CDC42BPA: variants seen among roughly 807,000 people sequenced by gnomAD.
The protein encoded by CDC42BPA is serine/threonine-protein kinase MRCK alpha.
CDC42BPA carries 80 observed loss-of-function variants against 223.5 expected under a neutral mutation model. The ratio of observed to expected loss-of-function variants is 0.36; its 90% confidence interval spans 0.30 to 0.43. CDC42BPA has a LOEUF of 0.43. Among genes scored for constraint, CDC42BPA ranks in the 20% least tolerant of loss-of-function variants. The pLI is 1.00. For synonymous variants in CDC42BPA, 694 were observed against 718.6 expected, an observed-to-expected ratio of 0.97 and a Z score of 0.55; for missense variants, 1,743 against 2,099.9, an observed-to-expected ratio of 0.83 and a Z score of 3.32.
chr1:227,247,229 G>C (rs919047044), intron 2 of CDC42BPA, among the ~76,000 whole-genome samples: 19 of 150,908 alleles, frequency 1.3e-4, no homozygotes, highest in Non-Finnish European at 1.5e-5. Context: ...CAGGTGCAGT[G>C]GCTCATGCCT....
At chr1:227,056,517 A>G (rs1674590891) in intron 21 of CDC42BPA, among the ~76,000 whole-genome samples, 2 of 152,040 alleles carry the variant, frequency 1.3e-5, no homozygotes, top group Non-Finnish European at 2.9e-5. Context: ...CCTCTAGAGT[A>G]GCTGTGAACA....
At chr1:227,009,031 A>T (rs181526864) in intron 34 of CDC42BPA, among the ~76,000 whole-genome samples, 114 of 152,270 alleles carry the variant, frequency 7.5e-4, no homozygotes, top group African/African-American at 2.7e-3. Context: ...CAGGCTATAC[A>T]TTTTTTTATT....
chr1:227,035,523 A>G lies in CDC42BPA; in HGVS notation c.3284T>C (p.Leu1095Pro). The change falls in exon 25 of 37, where the codon CTG becomes CCG. Residue 1095 changes from leucine (L) to proline (P), a missense_variant. Transcript: ENST00000366766. Reference protein sequence around the residue: ...PVPPEQTKGPLGIDPQKGIGT... With the variant: ...PVPPEQTKGPPGIDPQKGIGT... ...TATTCCTTTCTGAGGATCTATACCC[A>G]GGGGACCTTTTGTCTGTTCAGGAGG... 1 of 1,611,852 alleles carries G rather than the reference A, an allele frequency of 6.2e-7. No homozygotes were observed. The highest frequency in any genetic ancestry group is 1.1e-5 in the South Asian group (1 of 90,640).
intron 1 of CDC42BPA, among the ~76,000 whole-genome samples, chr1:227,260,751 G>C (rs910200321): frequency 1.3e-5 from 2 of 150,990 alleles, no homozygotes; most frequent in Non-Finnish European, 2.9e-5. Flanking sequence ...TTTCTCCAGT[G>C]GGTTTCCATT....
intron 16 of CDC42BPA, among the ~76,000 whole-genome samples, chr1:227,082,953 C>T (rs1244013511): frequency 2.0e-5 from 3 of 151,964 alleles, no homozygotes; most frequent in Non-Finnish European, 4.4e-5. Flanking sequence ...ATGTGTCTTT[C>T]TTCTCTGGTT....
intron 5 of CDC42BPA, among the ~76,000 whole-genome samples, chr1:227,174,840 G>A (rs1029973174): frequency 3.9e-5 from 6 of 152,126 alleles, no homozygotes; most frequent in East Asian, 3.9e-4. Context: ...AGGAAAGCAC[G>A]TATATTCCAC....
intron 2 of CDC42BPA, among the ~76,000 whole-genome samples, chr1:227,215,966 A>T (rs1196122062): frequency 6.6e-6 from 1 of 152,216 alleles, no homozygotes; most frequent in East Asian, 1.9e-4. Flanking sequence ...ATTCTACATG[A>T]TCAATTTGAC....
chr1:227,201,502 A>G (rs1376339315), intron 3 of CDC42BPA, among the ~76,000 whole-genome samples: 2 of 152,338 alleles, frequency 1.3e-5, no homozygotes, highest in South Asian at 2.1e-4. Flanking sequence ...AAACAAAAAT[A>G]ACACTATGAC....
intron 10 of CDC42BPA, among the ~76,000 whole-genome samples, chr1:227,137,414 A>G (rs1658802742): frequency 6.6e-6 from 1 of 152,124 alleles, no homozygotes; most frequent in Non-Finnish European, 1.5e-5. Flanking sequence ...TATTAGTAGA[A>G]CTATATATTG....
chr1:227,080,258 A>G (rs1680361369), intron 17 of CDC42BPA, among the ~76,000 whole-genome samples: 1 of 97,484 alleles, frequency 1.0e-5, no homozygotes, highest in African/African-American at 3.8e-5. Context: ...TTGGAAATAC[A>G]GTCTTCATTA....
chr1:227,191,907 CCA>C (rs1669773312), intron 5 of CDC42BPA, among the ~76,000 whole-genome samples: 2 of 151,478 alleles, frequency 1.3e-5, no homozygotes, highest in African/African-American at 4.9e-5. Flanking sequence ...TCACTTGAGT[CCA>C]GGAGTTCAAG....
At chr1:227,312,004 C>G (rs1389840150) in intron 1 of CDC42BPA, among the ~76,000 whole-genome samples, 1 of 152,208 alleles carries the variant, frequency 6.6e-6, no homozygotes, top group Non-Finnish European at 1.5e-5. Context: ...CATAGCATAG[C>G]TGCACCTACA....
intron 16 of CDC42BPA, among the ~76,000 whole-genome samples, chr1:227,081,927 C>T (rs1680749577): frequency 6.6e-6 from 1 of 152,184 alleles, no homozygotes; most frequent in African/African-American, 2.4e-5. Flanking sequence ...CCTAATATCA[C>T]ATAAATAGTA....
chr1:227,164,551 A>AGCTACTCAGGAG (rs56874551), intron 5 of CDC42BPA, among the ~76,000 whole-genome samples: 136,764 of 151,848 alleles, frequency 0.9, 62,038 homozygotes, highest in Middle Eastern at 0.96. Flanking sequence ...CTGTGGTCCC[A>AGCTACTCAGGAG]GCTACTCAGG....
intron 5 of CDC42BPA, among the ~76,000 whole-genome samples, chr1:227,170,667 T>C (rs1274240072): frequency 1.3e-5 from 2 of 152,110 alleles, no homozygotes; most frequent in African/African-American, 2.4e-5. Context: ...TTCATATGCA[T>C]TGAATGACTG....
chr1:227,243,938 G>A (rs773676301), intron 2 of CDC42BPA, among the ~76,000 whole-genome samples: 27 of 151,276 alleles, frequency 1.8e-4, no homozygotes, highest in Non-Finnish European at 3.4e-4. Context: ...ATGAAAATGT[G>A]TTCAAATGTA....
chr1:227,022,652 A>C (rs1156430645), intron 32 of CDC42BPA, among the ~76,000 whole-genome samples: 3 of 152,192 alleles, frequency 2.0e-5, no homozygotes, highest in Non-Finnish European at 2.9e-5. Flanking sequence ...AACAACATTT[A>C]ATTCTATGTG....
intron 34 of CDC42BPA, among the ~76,000 whole-genome samples, chr1:227,014,067 T>C (rs903666072): frequency 7.2e-5 from 11 of 152,198 alleles, no homozygotes; most frequent in East Asian, 3.9e-4. Flanking sequence ...TCTATAGTTA[T>C]GCTATGTTTA....
At chr1:227,070,871 C>G (rs1678170772) in intron 20 of CDC42BPA, among the ~76,000 whole-genome samples, 1 of 151,822 alleles carries the variant, frequency 6.6e-6, no homozygotes, top group Non-Finnish European at 1.5e-5. Context: ...TAGGTCTATT[C>G]TAAAAATGAT....
Sources: allele counts gnomAD v4.1 joint callset (sites outside exome capture counted in the v4.1 genomes callset), GRCh38; gene constraint gnomAD v4.1.1; transcripts MANE v1.5; gene names NCBI Gene and HGNC (gene_info 2026-07-23, HGNC 2026-07-21).